Variants in ESRRG observed in about 807,000 individuals in gnomAD.
ESRRG encodes estrogen-related receptor gamma.
ESRRG carries 13 observed loss-of-function variants against 44.0 expected under a neutral mutation model. The ratio of observed to expected loss-of-function variants is 0.30; its 90% CI spans 0.19 to 0.47. The LOEUF is 0.47. Among genes scored for constraint, ESRRG ranks in the 20% least tolerant of loss-of-function variants. The probability of loss-of-function intolerance (pLI) is 1.00; values close to 1 mark genes in which losing one functional copy is unlikely to be tolerated. For synonymous variants in ESRRG, 215 were observed against 214.6 expected (o/e 1.00, Z -0.02); for missense variants, 395 against 580.6 (o/e 0.68, Z 3.29).
intron 1 of ESRRG, among the ~76,000 whole-genome samples, chr1:216,721,383 A>T (rs2086238954): frequency 6.6e-6 from 1 of 152,232 alleles, no homozygotes; most frequent in Non-Finnish European, 1.5e-5. Flanking sequence ...TTATTAATTG[A>T]GACAGAGAGG....
intron 2 of ESRRG, among the ~76,000 whole-genome samples, chr1:216,881,175 T>G (rs2149315517): frequency 6.6e-6 from 1 of 152,302 alleles, no homozygotes; most frequent in Non-Finnish European, 1.5e-5. Context: ...AACCAGTTCC[T>G]AAATAAACCC....
chr1:216,601,013 G>C (rs1030517887), intron 3 of ESRRG, among the ~76,000 whole-genome samples: 6 of 152,206 alleles, frequency 3.9e-5, no homozygotes, highest in Non-Finnish European at 2.9e-5. Flanking sequence ...TTCCTCCCCG[G>C]TTCTCTGCCT....
intron 1 of ESRRG, among the ~76,000 whole-genome samples, chr1:216,682,998 C>T (rs779546222): frequency 2.0e-5 from 3 of 151,964 alleles, no homozygotes; most frequent in Non-Finnish European, 2.9e-5. Flanking sequence ...GGAAAGCAAC[C>T]GAATGAAGTG....
intron 1 of ESRRG, among the ~76,000 whole-genome samples, chr1:217,135,234 T>C (rs1218592502): frequency 1.3e-5 from 2 of 151,924 alleles, no homozygotes; most frequent in South Asian, 2.1e-4. Context: ...CACGCGCTTT[T>C]CCCCCTCCTC....
upstream of ESRRG, among the ~76,000 whole-genome samples, chr1:216,723,939 C>A (rs2086947653): frequency 6.6e-6 from 1 of 152,106 alleles, no homozygotes; most frequent in Non-Finnish European, 1.5e-5. Context: ...GTTTTTATTA[C>A]ACCGGGGGCC....
At chr1:217,110,842 C>T (rs747208081) in intron 1 of ESRRG, among the ~76,000 whole-genome samples, 1 of 152,126 alleles carries the variant, frequency 6.6e-6, no homozygotes, top group Non-Finnish European at 1.5e-5. Context: ...ATCCTCCCAA[C>T]CTGGCTTATT....
At chr1:217,074,964 T>C (rs968666285) in intron 1 of ESRRG, among the ~76,000 whole-genome samples, 7 of 152,146 alleles carry the variant, frequency 4.6e-5, no homozygotes, top group African/African-American at 1.2e-4. Flanking sequence ...CAATCAAAAA[T>C]ACAGTCATCT....
At chr1:216,670,082 A>C (rs982632415) in intron 2 of ESRRG, among the ~76,000 whole-genome samples, 2 of 152,222 alleles carry the variant, frequency 1.3e-5, no homozygotes, top group Admixed American at 6.5e-5. Flanking sequence ...AATTACTATA[A>C]ACTGAGGTAG....
At chr1:217,103,143 A>ATTCT (rs1358221643) in intron 1 of ESRRG, among the ~76,000 whole-genome samples, 3,411 of 152,192 alleles carry the variant, frequency 0.022, 130 homozygotes, top group African/African-American at 0.078. Flanking sequence ...GAAAGCACAG[A>ATTCT]GTTTTTACAT....
chr1:216,763,613 T>C (rs2092917822), intron 2 of ESRRG, among the ~76,000 whole-genome samples: 1 of 152,172 alleles, frequency 6.6e-6, no homozygotes, highest in African/African-American at 2.4e-5. Flanking sequence ...CCCCTGATAT[T>C]GTAAGGTTAA....
intron 1 of ESRRG, among the ~76,000 whole-genome samples, chr1:216,690,351 G>T (rs1371898472): frequency 6.6e-6 from 1 of 151,960 alleles, no homozygotes; most frequent in East Asian, 1.9e-4. Context: ...GCAATGACAT[G>T]GCTAGATCTT....
intron 2 of ESRRG, among the ~76,000 whole-genome samples, chr1:216,789,912 G>A (rs1382288843): frequency 6.6e-6 from 1 of 152,116 alleles, no homozygotes; most frequent in East Asian, 1.9e-4. Context: ...TGGACCCAAG[G>A]CAAGGCTGCA....
intron 3 of ESRRG, among the ~76,000 whole-genome samples, chr1:216,583,824 A>G (rs536389829): frequency 2.0e-5 from 3 of 152,188 alleles, no homozygotes; most frequent in Non-Finnish European, 4.4e-5. Flanking sequence ...CACATCTTAC[A>G]TGGATGGCAG....
chr1:216,706,053 C>T (rs753273712), intron 1 of ESRRG, among the ~76,000 whole-genome samples: 20 of 152,112 alleles, frequency 1.3e-4, no homozygotes, highest in South Asian at 2.1e-4. Context: ...TCTTCCTCCT[C>T]GTCCCCCACC....
intron 3 of ESRRG, among the ~76,000 whole-genome samples, chr1:216,622,735 C>G (rs2062475090): frequency 6.6e-6 from 1 of 151,930 alleles, no homozygotes; most frequent in Non-Finnish European, 1.5e-5. Flanking sequence ...TCAGAATTTT[C>G]CTGAAGAAGA....
At chr1:216,692,261 G>T (rs1461818875) in intron 1 of ESRRG, among the ~76,000 whole-genome samples, 1 of 151,772 alleles carries the variant, frequency 6.6e-6, no homozygotes, top group Non-Finnish European at 1.5e-5. Flanking sequence ...ATGTGGAGGT[G>T]GAAAACAGTG....
chr1:216,575,847 AG>A (rs1248930185), intron 3 of ESRRG, among the ~76,000 whole-genome samples: 1 of 152,104 alleles, frequency 6.6e-6, no homozygotes, highest in Non-Finnish European at 1.5e-5. Flanking sequence ...CACATATAAA[AG>A]GTAGGAAGAA....
intron 2 of ESRRG, among the ~76,000 whole-genome samples, chr1:216,672,446 C>A (rs1182719877): frequency 6.6e-6 from 1 of 152,126 alleles, no homozygotes; most frequent in Non-Finnish European, 1.5e-5. Flanking sequence ...CTGAAAAGAA[C>A]AATTTGTATT....
intron 2 of ESRRG, among the ~76,000 whole-genome samples, chr1:216,654,130 CA>C (rs397961659): frequency 0.064 from 8,380 of 131,896 alleles, 764 homozygotes; most frequent in African/African-American, 0.22. Flanking sequence ...CCCCACCCTC[CA>C]AAAAAAAAAA....
Sources: gnomAD v4.1 joint callset for allele counts (sites outside exome capture counted in the v4.1 genomes callset) on GRCh38, gnomAD v4.1.1 for gene constraint, MANE v1.5 for transcripts, NCBI Gene and HGNC (gene_info 2026-07-23, HGNC 2026-07-21) for gene names.